Variants in TSHZ2 observed in about 807,000 individuals in gnomAD.
TSHZ2 encodes teashirt homolog 2.
In TSHZ2, 21 loss-of-function variants were observed where a neutral mutation model predicts 74.4. That is an observed-to-expected ratio of 0.28 (90% confidence interval 0.20 to 0.41). TSHZ2 has a LOEUF of 0.41. Among genes scored for constraint, TSHZ2 ranks in the 10% least tolerant of loss-of-function variants. The pLI is 1.00. For synonymous variants in TSHZ2, 540 were observed against 515.3 expected (o/e 1.05, Z -0.65); for missense variants, 1,244 against 1,293.5 (o/e 0.96, Z 0.59).
At chr20:53,196,023 C>T (rs918310897) in intron 1 of TSHZ2, among the ~76,000 whole-genome samples, 2 of 152,246 alleles carry the variant, frequency 1.3e-5, no homozygotes, top group Non-Finnish European at 1.5e-5. Context: ...GGGCCAGTCT[C>T]GGCTTCTGCG....
At chr20:53,465,560 C>T (rs367668381) in intron 2 of TSHZ2, among the ~76,000 whole-genome samples, 72 of 152,096 alleles carry the variant, frequency 4.7e-4, no homozygotes, top group African/African-American at 9.4e-4. Context: ...CATGAGACAC[C>T]GCACCCAGCC....
At chr20:53,014,389 G>A (rs770593325) in intron 1 of TSHZ2, among the ~76,000 whole-genome samples, 5 of 152,148 alleles carry the variant, frequency 3.3e-5, no homozygotes, top group Non-Finnish European at 7.3e-5. Context: ...TAATTCAGTC[G>A]ATAGCAGCAT....
At chr20:52,992,829 A>T (rs1982043474) in intron 1 of TSHZ2, among the ~76,000 whole-genome samples, 1 of 152,236 alleles carries the variant, frequency 6.6e-6, no homozygotes, top group African/African-American at 2.4e-5. Context: ...ATTTACTGGA[A>T]GCAAAGTTAT....
At chr20:53,056,176 G>A (rs1204971795) in intron 1 of TSHZ2, among the ~76,000 whole-genome samples, 1 of 152,180 alleles carries the variant, frequency 6.6e-6, no homozygotes, top group Admixed American at 6.5e-5. Flanking sequence ...TAAATTCCAT[G>A]CTTCAGCCTT....
intron 1 of TSHZ2, among the ~76,000 whole-genome samples, chr20:53,083,891 A>T (rs998793668): frequency 6.6e-6 from 1 of 152,096 alleles, no homozygotes; most frequent in Admixed American, 6.5e-5. Context: ...AACTGTAAGC[A>T]TTTATTGCAT....
At chr20:53,465,166 TCATC>T (rs1404271840) in intron 2 of TSHZ2, among the ~76,000 whole-genome samples, 1 of 152,178 alleles carries the variant, frequency 6.6e-6, no homozygotes, top group Non-Finnish European at 1.5e-5. Context: ...TCCCGAAACT[TCATC>T]CATAAGGAGA....
At chr20:53,400,907 A>T (rs994556092) in intron 2 of TSHZ2, among the ~76,000 whole-genome samples, 13 of 152,164 alleles carry the variant, frequency 8.5e-5, no homozygotes, top group Non-Finnish European at 1.8e-4. Context: ...GATCCCACCT[A>T]TGTTGCCTTG....
intron 2 of TSHZ2, among the ~76,000 whole-genome samples, chr20:53,396,298 C>A (rs1419134250): frequency 6.6e-6 from 1 of 152,218 alleles, no homozygotes; most frequent in African/African-American, 2.4e-5. Flanking sequence ...TATCGTGGTT[C>A]TGATGCACCA....
chr20:53,475,686 C>T (rs1314406845), intron 2 of TSHZ2, among the ~76,000 whole-genome samples: 1 of 137,516 alleles, frequency 7.3e-6, no homozygotes, highest in Non-Finnish European at 1.6e-5. Flanking sequence ...AATAGAGACA[C>T]AAAAAACCCT....
At chr20:53,015,809 G>T (rs1383012305) in intron 1 of TSHZ2, among the ~76,000 whole-genome samples, 1 of 152,168 alleles carries the variant, frequency 6.6e-6, no homozygotes, top group Non-Finnish European at 1.5e-5. Flanking sequence ...AGGGTGAGAA[G>T]TGGGGGAAAG....
At chr20:53,409,647 T>C (rs1210105682) in intron 2 of TSHZ2, among the ~76,000 whole-genome samples, 1 of 152,140 alleles carries the variant, frequency 6.6e-6, no homozygotes, top group Non-Finnish European at 1.5e-5. Context: ...TTGGCTTTCT[T>C]TCATGGAATT....
intron 2 of TSHZ2, among the ~76,000 whole-genome samples, chr20:53,466,805 C>G (rs954442716): frequency 6.6e-6 from 1 of 152,136 alleles, no homozygotes; most frequent in Non-Finnish European, 1.5e-5. Flanking sequence ...CTTTGTGACC[C>G]TTTTAATTTA....
intron 1 of TSHZ2, 30 bp from the exon 2 acceptor site, chr20:53,253,469 G>A (rs766280448): frequency 1.9e-6 from 3 of 1,561,408 alleles, no homozygotes; most frequent in Non-Finnish European, 2.6e-6. Flanking sequence ...GCCTGTTACT[G>A]TCGTTTCATC....
chr20:53,394,743 T>A (rs1254864019), intron 2 of TSHZ2, among the ~76,000 whole-genome samples: 1 of 128,272 alleles, frequency 7.8e-6, no homozygotes, highest in African/African-American at 3.3e-5. Flanking sequence ...AAAGCAAACA[T>A]CACTAATCAA....
Position 53,469,850 on chromosome 20 carries a change from G to GAGGA in TSHZ2, c.*9-17281_*9-17278dup, listed in dbSNP as rs1555872574. ...AGAGAGAGGGAGGAAGGGAGGGAGGGAGGAAGGAAGGAAGGACCCAAGAAA... is the reference window on the plus strand; with the variant it reads ...AGAGAGAGGGAGGAAGGGAGGGAGGGAGGAAGGAAGGAAGGAAGGACCCAAGAAA... On this transcript the variant is annotated intron_variant, in intron 2 of 2. Transcript: ENST00000371497. Among the ~76,000 whole-genome samples, 34 of 69,238 alleles carry GAGGA rather than the reference G, an allele frequency of 4.9e-4. 2 individuals carry two copies. The highest frequency in any genetic ancestry group is 1.8e-3 in the African/African-American group (34 of 18,646). 45.4% of individuals were successfully genotyped at this position (69,238 alleles called of 152,430 possible).
In TSHZ2 at chr20:53,492,318, G is replaced by A. The variant is rs965741799; in HGVS notation, c.*5183G>A. On this transcript the variant is annotated 3_prime_UTR_variant, in exon 3 of 3. Transcript: ENST00000371497. ...ATAGATGTGTATGTATATTTTTTAA[G>A]TACAGAAAGTTCAGCCAGTCTTCAG... is the stretch of plus-strand genomic sequence containing the variant. 1 of 152,150 alleles carries A rather than the reference G, an allele frequency of 6.6e-6. No individual in the cohort carries two copies. Among genetic ancestry groups the A allele is most frequent in the Non-Finnish European group, 1.5e-5 (1 of 68,018 alleles). The allele number at this position is 152,150 out of a possible 1,614,324, so 9.4% of individuals were successfully genotyped here.
At chr20:53,335,133 C>G (rs1046933745) in intron 2 of TSHZ2, among the ~76,000 whole-genome samples, 1 of 152,178 alleles carries the variant, frequency 6.6e-6, no homozygotes, top group Non-Finnish European at 1.5e-5. Flanking sequence ...GGTTCTTAAG[C>G]AAGCAGCGTC....
chr20:52,993,329 G>A (rs375176390), intron 1 of TSHZ2, among the ~76,000 whole-genome samples: 17 of 152,202 alleles, frequency 1.1e-4, no homozygotes, highest in South Asian at 6.2e-4. Flanking sequence ...AAAATATAAC[G>A]TATTCTTGCA....
chr20:53,285,444 C>T (rs1486730694), intron 2 of TSHZ2, among the ~76,000 whole-genome samples: 1 of 152,150 alleles, frequency 6.6e-6, no homozygotes, highest in Non-Finnish European at 1.5e-5. Flanking sequence ...GGTGCGGTGG[C>T]TCACGCTTGT....
Sources: allele counts gnomAD v4.1 joint callset (sites outside exome capture counted in the v4.1 genomes callset), GRCh38; gene constraint gnomAD v4.1.1; transcripts MANE v1.5; gene names NCBI Gene and HGNC (gene_info 2026-07-23, HGNC 2026-07-21).